Variants in IFT140 observed in about 807,000 individuals in gnomAD.
IFT140 encodes intraflagellar transport 140.
Under a neutral mutation model 164.6 loss-of-function variants are expected in IFT140, and 133 were observed. The ratio of observed to expected loss-of-function variants is 0.81; its 90% CI spans 0.70 to 0.93. The LOEUF (loss-of-function observed/expected upper bound fraction) is 0.93, where lower values mean the gene tolerates loss of function less well. Ranked by LOEUF, IFT140 falls within the 40% of genes least tolerant of loss-of-function variation. The pLI, the probability that IFT140 is intolerant of heterozygous loss-of-function variation, is 0.00. For synonymous variants in IFT140, 860 were observed against 817.3 expected (o/e 1.05, Z -0.89); for missense variants, 2,045 against 1,972.3 (o/e 1.04, Z -0.70).
chr16:1,530,746 A>C (rs1321767596), intron 19 of IFT140: 3 of 149,112 alleles, frequency 2.0e-5, no homozygotes, highest in Non-Finnish European at 3.0e-5. Context: ...GAGAGCCCGC[A>C]GGCCGGCCCT....
intron 26 of IFT140, among the ~76,000 whole-genome samples, chr16:1,521,162 C>G (rs1260899906): frequency 6.6e-6 from 1 of 152,182 alleles, no homozygotes; most frequent in Admixed American, 6.5e-5. Context: ...CTCTGTCCCC[C>G]AGGCTGGAGT....
At chr16:1,583,436 C>T in intron 11 of IFT140, 50 bp from the exon 12 acceptor site, 1 of 1,464,814 alleles carries the variant, frequency 6.8e-7, no homozygotes, top group Non-Finnish European at 9.6e-7. Context: ...AAGTGAGGTG[C>T]AACTGTACAC....
At chr16:1,523,991 C>T in intron 24 of IFT140, 35 bp from the exon 25 acceptor site, 1 of 1,599,658 alleles carries the variant, frequency 6.3e-7, no homozygotes, top group Non-Finnish European at 8.5e-7. Context: ...GAAGCGGCTC[C>T]CACTGGCTTC....
intron 9 of IFT140, among the ~76,000 whole-genome samples, chr16:1,586,825 G>C (rs1008140366): frequency 2.0e-5 from 3 of 152,104 alleles, no homozygotes; most frequent in African/African-American, 7.2e-5. Flanking sequence ...TCCCACCTCA[G>C]CCTCCTGAGT....
intron 13 of IFT140, among the ~76,000 whole-genome samples, chr16:1,572,054 C>T (rs138573293): frequency 1.3e-5 from 2 of 152,196 alleles, no homozygotes; most frequent in African/African-American, 4.8e-5. Context: ...ATGCTAGTTA[C>T]ATGCTGGCAA....
chr16:1,576,702 C>T (rs2034298242), intron 13 of IFT140: 1 of 151,886 alleles, frequency 6.6e-6, no homozygotes, highest in South Asian at 2.1e-4. Context: ...AGGTATGTCG[C>T]GTATGCATAA....
chr16:1,569,032 T>A (rs1303263386), intron 14 of IFT140, among the ~76,000 whole-genome samples: 1 of 136,566 alleles, frequency 7.3e-6, no homozygotes, highest in Non-Finnish European at 1.6e-5. Flanking sequence ...TGAGACGGAG[T>A]CTCGCCCTGT....
At chr16:1,587,028 A>G (rs1224003898) in intron 9 of IFT140, among the ~76,000 whole-genome samples, 170 bp downstream of exon 9, 1 of 152,208 alleles carries the variant, frequency 6.6e-6, no homozygotes, top group African/African-American at 2.4e-5. Context: ...ATGTGGGATC[A>G]CAAAGCTCTG....
Position 1,531,868 on chromosome 16 carries a change from C to G in IFT140, c.2400-5072G>C, listed in dbSNP as rs2030533852. 6.6e-6 allele frequency: 1 copy of G among 152,250 alleles called. No individual in the cohort carries two copies. The highest frequency in any genetic ancestry group is 2.4e-5 in the African/African-American group (1 of 41,464). 9.4% of individuals were successfully genotyped at this position (152,250 alleles called of 1,614,324 possible). On this transcript the variant is annotated intron_variant, in intron 19 of 30. Transcript: ENST00000426508. The surrounding 1 kb of genome is among the most constrained non-coding windows in gnomAD (Gnocchi z 4.7). Reference sequence around the variant, plus strand: ...TCCCCACTCAACCTGAGGAAAGGACCAGAGCGGGCCGCTGAGACAATCAAA... The same window carrying G: ...TCCCCACTCAACCTGAGGAAAGGACGAGAGCGGGCCGCTGAGACAATCAAA...
intron 4 of IFT140, among the ~76,000 whole-genome samples, chr16:1,593,146 A>C (rs2035279379): frequency 6.6e-6 from 1 of 152,282 alleles, no homozygotes. Context: ...AACAGAACAC[A>C]TGCATATTCC....
At position 1,520,629 on chromosome 16, in the gene IFT140, C is replaced by G. The variant is rs771772194; in HGVS notation, c.3633G>C (p.Lys1211Asn). ...RQGSYHLATKKYTQAGNKLKA... is the reference protein window; with the variant it reads ...RQGSYHLATKNYTQAGNKLKA... Reference sequence around the variant, plus strand: ...TCAGCTTGTTGCCGGCCTGCGTGTACTTCTTGGTGGCCAGGTGGTAGCTGC... The same window carrying G: ...TCAGCTTGTTGCCGGCCTGCGTGTAGTTCTTGGTGGCCAGGTGGTAGCTGC... The change falls in exon 27 of 31, where the codon AAG becomes AAC. Residue 1211 changes from lysine to asparagine, a missense_variant. Lys to Asn is a moderately conservative substitution (Grantham distance 94). Coordinates refer to ENST00000426508, the MANE Select transcript of IFT140 (RefSeq NM_014714.4). 1.0e-5 allele frequency: 16 copies of G among 1,596,914 alleles called. No individual in the cohort carries two copies. The highest frequency in any genetic ancestry group is 1.4e-5 in the Non-Finnish European group (16 of 1,170,634).
chr16:1,519,054 C>T (rs2040445084), intron 29 of IFT140, among the ~76,000 whole-genome samples: 1 of 152,220 alleles, frequency 6.6e-6, no homozygotes, highest in South Asian at 2.1e-4. Context: ...CCACCCACGT[C>T]CTGTGCTATC....
intron 4 of IFT140, among the ~76,000 whole-genome samples, chr16:1,601,524 T>A (rs1316622736): frequency 1.3e-5 from 2 of 152,148 alleles, no homozygotes; most frequent in Admixed American, 1.3e-4. Flanking sequence ...TGTGATAAAC[T>A]CACAAATACT....
intron 4 of IFT140, among the ~76,000 whole-genome samples, chr16:1,593,472 C>A (rs1265801405): frequency 1.3e-5 from 2 of 151,998 alleles, no homozygotes; most frequent in African/African-American, 2.4e-5. Context: ...CCACCACACC[C>A]AGCTAATTTT....
intron 13 of IFT140, among the ~76,000 whole-genome samples, chr16:1,572,109 C>A (rs530003552): frequency 3.0e-4 from 46 of 152,100 alleles, no homozygotes; most frequent in Non-Finnish European, 5.4e-4. Flanking sequence ...TTAGGCACGA[C>A]GCACCCACTC....
rs772904048 is a variant in IFT140, at chr16:1,571,386, C to T, written c.1652+21G>A. The T allele has an allele frequency of 1.5e-4, 237 of 1,607,910 alleles. 1 individual carries two copies. The South Asian group carries it at 1.9e-3, about 13-fold the overall frequency. On this transcript the variant is annotated intron_variant, in intron 14 of 30. Coordinates refer to ENST00000426508, the MANE Select transcript of IFT140 (RefSeq NM_014714.4). The stretch of plus-strand genomic sequence containing the variant: ...ACTGACTAAAAAAATGTTCACACTT[C>T]TATTTGGAAAAAAAATTTACCTTCG...
At position 1,551,362 on chromosome 16, in the gene IFT140, T is replaced by G. The variant is rs2032621866; in HGVS notation, c.2399+6573A>C. ...AGGGGCCCCTCCTCCCCAGGGCCAG[T>G]CAAGCCGGGGACAGTGGCACGAGGA... On this transcript the variant is annotated intron_variant, in intron 19 of 30. Transcript: ENST00000426508. The surrounding 1 kb of genome is among the most constrained non-coding windows in gnomAD (Gnocchi z 4.0). Among the ~76,000 whole-genome samples, 1 of 151,696 alleles carries G rather than the reference T, an allele frequency of 6.6e-6. No individual in the cohort carries two copies. The highest frequency in any genetic ancestry group is 2.4e-5 in the African/African-American group (1 of 41,268).
In IFT140 at chr16:1,587,464, T is replaced by C. The variant is rs556063458; in HGVS notation, c.903-160A>G. ...GAACACTGCTGTTACATTTGGGACA[T>C]TTTATGTCCTGTTTCTAATGAAAGA... On this transcript the variant is annotated intron_variant, in intron 8 of 30. Transcript: ENST00000426508. Among the ~76,000 whole-genome samples the C allele has an allele frequency of 4.9e-4, 74 of 152,290 alleles. 2 individuals carry two copies. The South Asian group carries it at 0.011, about 22-fold the overall frequency.
At chr16:1,590,136 G>A (rs1204815861) in intron 6 of IFT140, among the ~76,000 whole-genome samples, 1 of 151,076 alleles carries the variant, frequency 6.6e-6, no homozygotes, top group Non-Finnish European at 1.5e-5. Flanking sequence ...CGGAGGTGGA[G>A]GTTGCAGTGA....
Sources: gnomAD v4.1 joint callset for allele counts (sites outside exome capture counted in the v4.1 genomes callset) on GRCh38, gnomAD v4.1.1 for gene constraint, Gnocchi (gnomAD v3.1) non-coding constraint, MANE v1.5 for transcripts, NCBI Gene and HGNC (gene_info 2026-07-23, HGNC 2026-07-21) for gene names.